GRIN2D: variants seen among roughly 807,000 people sequenced by gnomAD.
The protein encoded by GRIN2D is glutamate ionotropic receptor NMDA type subunit 2D.
In GRIN2D, 37 loss-of-function variants were observed where a neutral mutation model predicts 103.2. The observed-to-expected ratio is 0.36, with a 90% CI of 0.28 to 0.47. The LOEUF (loss-of-function observed/expected upper bound fraction) is 0.47, where lower values mean the gene tolerates loss of function less well. GRIN2D is among the 20% of genes least tolerant of loss of function. The pLI is 1.00. For synonymous variants in GRIN2D, 845 were observed against 885.6 expected, an observed-to-expected ratio of 0.95 and a Z score of 0.81; for missense variants, 1,557 against 1,910.6, an observed-to-expected ratio of 0.81 and a Z score of 3.45.
intron 3 of GRIN2D, among the ~76,000 whole-genome samples, chr19:48,401,198 T>G (rs1970707108): frequency 1.3e-5 from 2 of 151,904 alleles, no homozygotes; most frequent in East Asian, 3.9e-4. Context: ...ACAGGAAGAT[T>G]TATTGAGAGC....
At chr19:48,441,634 T>G (rs1971292549) in intron 11 of GRIN2D, 135 bp from the exon 12 acceptor site, 1 of 637,078 alleles carries the variant, frequency 1.6e-6, no homozygotes, top group Non-Finnish European at 2.7e-6. Flanking sequence ...CACTGAGAAG[T>G]GCAATGATTT....
chr19:48,418,567 G>C (rs572398466), intron 8 of GRIN2D, among the ~76,000 whole-genome samples: 133 of 152,236 alleles, frequency 8.7e-4, no homozygotes, highest in African/African-American at 3.0e-3. Flanking sequence ...TGAGGCCTGA[G>C]CCCTGTTGGC....
At chr19:48,401,096 A>G (rs1001761638) in intron 3 of GRIN2D, among the ~76,000 whole-genome samples, 17 of 151,738 alleles carry the variant, frequency 1.1e-4, no homozygotes, top group Non-Finnish European at 2.5e-4. Flanking sequence ...AAAAAAAAAA[A>G]ACAATAAACA....
intron 3 of GRIN2D, among the ~76,000 whole-genome samples, chr19:48,399,226 C>G (rs995009845): frequency 2.6e-5 from 4 of 152,090 alleles, no homozygotes; most frequent in Non-Finnish European, 5.9e-5. Context: ...ATGGCAAAAT[C>G]TGAGGGAGGG....
rs1971317300 is a variant in GRIN2D, at chr19:48,442,865, C to G, written c.2939C>G (p.Ala980Gly). 1 of 1,083,972 alleles carries G rather than the reference C, an allele frequency of 9.2e-7. No individual in the cohort carries two copies. The highest frequency in any genetic ancestry group is 1.1e-6 in the Non-Finnish European group (1 of 895,864). The allele number at this position is 1,083,972 out of a possible 1,614,324, so 67.1% of individuals were successfully genotyped here. A position where few individuals can be genotyped will look rare whatever the true frequency, so the allele number is the denominator to read the frequency against. ...GGCCTAGGCCTCGGCCTGGGCGAAG[C>G]GCGCGCGGCACCGCGGGGCGCAGCC... Reference protein sequence around the residue: ...PQGLGLGLGEARAAPRGAAGR... With the variant: ...PQGLGLGLGEGRAAPRGAAGR... Residue 980 changes from alanine to glycine, a missense_variant, in exon 14 of 14, where the codon GCG becomes GGG. By Grantham distance (60) the Ala-to-Gly change is moderately conservative. Coordinates refer to ENST00000263269, the MANE Select transcript of GRIN2D (RefSeq NM_000836.4). The surrounding 1 kb of genome is among the most constrained non-coding windows in gnomAD (Gnocchi z 7.2).
At position 48,443,351 on chromosome 19, in the gene GRIN2D, C is replaced by G. The variant is rs536539157; in HGVS notation, c.3425C>G (p.Ala1142Gly). The change falls in exon 14 of 14, where the codon GCC (alanine) becomes GGC (glycine). Residue 1142 changes from alanine to glycine, a missense_variant. This residue lies in a region of GRIN2D where 632 missense variants were observed against 572.8 expected (regional missense o/e 1.10). Coordinates refer to ENST00000263269, the MANE Select transcript of GRIN2D (RefSeq NM_000836.4). The surrounding 1 kb of genome is among the most constrained non-coding windows in gnomAD (Gnocchi z 8.9). ...WWFADFPYPY[A>G]ERLGPPPGRY... ...TTCGCCGACTTCCCTTACCCGTATG[C>G]CGAGCGCCTCGGGCCGCCGCCCGGC... 1.3e-6 allele frequency: 2 copies of G among 1,513,386 alleles called. No homozygotes were observed. Among genetic ancestry groups the G allele is most frequent in the African/African-American group, 2.9e-5 (2 of 69,448 alleles). The allele number at this position is 1,513,386 out of a possible 1,614,324, so 93.7% of individuals were successfully genotyped here.
intron 3 of GRIN2D, among the ~76,000 whole-genome samples, chr19:48,400,976 G>A (rs997824792): frequency 1.3e-5 from 2 of 151,704 alleles, no homozygotes; most frequent in African/African-American, 4.8e-5. Flanking sequence ...TGAGGCAGGA[G>A]TAATCGCTTG....
chr19:48,405,425 A>C lies in GRIN2D; in HGVS notation c.1085+72A>C. On this transcript the variant is annotated intron_variant, in intron 4 of 13. Transcript: ENST00000263269. This position sits in a 1 kb window ranked among gnomAD's most constrained non-coding sequence, Gnocchi z 5.1. The stretch of plus-strand genomic sequence containing the variant: ...TAACTACCTCAGTATTCACTGAATG[A>C]GTGGCTCAAATGGGCCACATCTGCT... The C allele has an allele frequency of 7.1e-7, 1 of 1,400,060 alleles. No individual in the cohort carries two copies. Among genetic ancestry groups the C allele is most frequent in the Non-Finnish European group, 9.4e-7 (1 of 1,060,812 alleles). 86.7% of individuals were successfully genotyped at this position (1,400,060 alleles called of 1,614,324 possible). A position where few individuals can be genotyped will look rare whatever the true frequency, so the allele number is the denominator to read the frequency against.
intron 11 of GRIN2D, among the ~76,000 whole-genome samples, chr19:48,424,153 C>T (rs147161695): frequency 6.7e-6 from 1 of 149,448 alleles, no homozygotes; most frequent in African/African-American, 2.5e-5. Flanking sequence ...CAGTGGCTCA[C>T]ACCTGTAATC....
Position 48,441,752 on chromosome 19 carries a change from A to T in GRIN2D, c.2253-17A>T. ...CTAGGTGGGACTGACCCTACCCTCC[A>T]TTCCCCCTCCCCCCAGGAAGCTGGA... is the stretch of plus-strand genomic sequence containing the variant. On this transcript the variant is annotated splice_polypyrimidine_tract_variant and intron_variant, in intron 11 of 13. Transcript: ENST00000263269. The T allele has an allele frequency of 6.2e-7, 1 of 1,601,664 alleles. No homozygotes were observed. The highest frequency in any genetic ancestry group is 8.5e-7 in the Non-Finnish European group (1 of 1,172,004).
chr19:48,402,956 T>C (rs1970736851), intron 3 of GRIN2D, among the ~76,000 whole-genome samples: 1 of 151,894 alleles, frequency 6.6e-6, no homozygotes, highest in Admixed American at 6.6e-5. Flanking sequence ...CCCAGCACTT[T>C]GGGAAGCCGA....
intron 7 of GRIN2D, 122 bp from the exon 8 acceptor site, chr19:48,415,880 C>A: frequency 1.2e-6 from 1 of 832,252 alleles, no homozygotes; most frequent in South Asian, 1.4e-5. Context: ...CGCAATCCCT[C>A]TTGGCCCCTT....
At chr19:48,420,821 C>G (rs974868178) in intron 10 of GRIN2D, among the ~76,000 whole-genome samples, 6 of 152,004 alleles carry the variant, frequency 3.9e-5, no homozygotes, top group Admixed American at 3.3e-4. Context: ...GGTGACAGAG[C>G]GAGACTCTGC....
intron 2 of GRIN2D, among the ~76,000 whole-genome samples, chr19:48,396,661 G>A (rs960110328): frequency 4.8e-4 from 73 of 151,998 alleles, no homozygotes; most frequent in African/African-American, 1.6e-3. Context: ...CATACTAGGA[G>A]CCCCCAACCC....
chr19:48,424,718 C>T (rs2147460443), intron 11 of GRIN2D, among the ~76,000 whole-genome samples: 1 of 152,324 alleles, frequency 6.6e-6, no homozygotes, highest in South Asian at 2.1e-4. Context: ...ACTCACAGCA[C>T]ATCTAGGTTC....
rs1410829130 is a variant in GRIN2D, at chr19:48,441,838, G to A, written c.2322G>A (p.Lys774=). 2 of 1,614,006 alleles carry A rather than the reference G, an allele frequency of 1.2e-6. No individual in the cohort carries two copies. The change falls in exon 12 of 14, where the codon AAG becomes AAA. Residue 774 remains lysine (K), a synonymous_variant. Transcript: ENST00000263269. ...NYMARKDEGC[K]LVTIGSGKVF... is the part of the protein sequence containing the mutation. Reference sequence around the variant, plus strand: ...TGGCCCGCAAGGACGAGGGCTGCAAGCTTGTCACCATCGGCTCCGGCAAGG... The same window carrying A: ...TGGCCCGCAAGGACGAGGGCTGCAAACTTGTCACCATCGGCTCCGGCAAGG...
At position 48,443,196 on chromosome 19, in the gene GRIN2D, G is replaced by T. The variant is rs1244220139; in HGVS notation, c.3270G>T (p.Pro1090=). Residue 1090 remains proline, a synonymous_variant, in exon 14 of 14, where the codon CCG becomes CCT. Transcript: ENST00000263269. This position sits in a 1 kb window ranked among gnomAD's most constrained non-coding sequence, Gnocchi z 8.9. The stretch of plus-strand genomic sequence containing the variant: ...CGGGGGGCGCAGGCGGAGGAGCCCC[G>T]GCCGCTCCGCCCCCGTGCCGCGCCG... ...GGTGGAGGGA[P]AAPPPCRAAP... The T allele has an allele frequency of 1.9e-5, 23 of 1,181,962 alleles. No individual in the cohort carries two copies. Among genetic ancestry groups the T allele is most frequent in the Non-Finnish European group, 2.4e-5 (23 of 945,848 alleles). 73.2% of individuals were successfully genotyped at this position (1,181,962 alleles called of 1,614,324 possible). A position where few individuals can be genotyped will look rare whatever the true frequency, so the allele number is the denominator to read the frequency against.
chr19:48,403,058 G>T (rs1970738013), intron 3 of GRIN2D, among the ~76,000 whole-genome samples: 1 of 152,062 alleles, frequency 6.6e-6, no homozygotes, highest in African/African-American at 2.4e-5. Flanking sequence ...AATTAGCTGG[G>T]TGTGGTGGCA....
At chr19:48,417,590 G>A (rs547754506) in intron 8 of GRIN2D, among the ~76,000 whole-genome samples, 1 of 152,314 alleles carries the variant, frequency 6.6e-6, no homozygotes, top group African/African-American at 2.4e-5. Flanking sequence ...TCGCCCAGTG[G>A]TGTCTCCTGT....
Sources: gnomAD v4.1 joint callset for allele counts (sites outside exome capture counted in the v4.1 genomes callset) on GRCh38, gnomAD v4.1.1 for gene constraint, gnomAD v4.1.1 regional missense constraint, Gnocchi (gnomAD v3.1) non-coding constraint, MANE v1.5 for transcripts, NCBI Gene and HGNC (gene_info 2026-07-23, HGNC 2026-07-21) for gene names.